Variants in ZFPM2 observed in about 807,000 individuals in gnomAD.
The protein encoded by ZFPM2 is zinc finger protein ZFPM2.
ZFPM2 carries 20 observed loss-of-function variants against 98.6 expected under a neutral mutation model. The observed-to-expected ratio is 0.20, with a 90% confidence interval of 0.14 to 0.29. ZFPM2 has a LOEUF of 0.29. Among genes scored for constraint, ZFPM2 ranks in the 10% least tolerant of loss-of-function variants. The pLI, the probability that ZFPM2 is intolerant of heterozygous loss-of-function variation, is 1.00. For synonymous variants in ZFPM2, 518 were observed against 502.7 expected, an observed-to-expected ratio of 1.03 and a Z score of -0.41; for missense variants, 1,310 against 1,388.6, an observed-to-expected ratio of 0.94 and a Z score of 0.90.
intron 4 of ZFPM2, among the ~76,000 whole-genome samples, chr8:105,564,767 TGGGA>T (rs1455719806): frequency 6.6e-6 from 1 of 152,092 alleles, no homozygotes; most frequent in African/African-American, 2.4e-5. Context: ...TAAAAATCTC[TGGGA>T]GGAAGTATGC....
chr8:105,380,759 C>T lies in ZFPM2; in HGVS notation c.41-38385C>T, dbSNP rs1371613556. 1.0e-4 allele frequency among the ~76,000 whole-genome samples: 3 copies of T among 30,106 alleles called. 1 individual carries two copies. The highest frequency in any genetic ancestry group is 1.6e-4 in the Non-Finnish European group (3 of 18,740). 19.8% of individuals were successfully genotyped at this position (30,106 alleles called of 152,430 possible). A position where few individuals can be genotyped will look rare whatever the true frequency, so the allele number is the denominator to read the frequency against. On this transcript the variant is annotated intron_variant, in intron 1 of 7. Transcript: ENST00000407775. ...TATTATATATATATGTTATATATAACATATATAATATATACACATATATGT... is the reference window on the plus strand; with the variant it reads ...TATTATATATATATGTTATATATAATATATATAATATATACACATATATGT...
At chr8:105,338,785 G>C (rs1250737666) in intron 1 of ZFPM2, among the ~76,000 whole-genome samples, 1 of 151,834 alleles carries the variant, frequency 6.6e-6, no homozygotes, top group Non-Finnish European at 1.5e-5. Context: ...CTTACCTTAA[G>C]GTTGTAGTAA....
intron 1 of ZFPM2, among the ~76,000 whole-genome samples, chr8:105,394,663 G>A (rs1477121298): frequency 6.6e-6 from 1 of 152,184 alleles, no homozygotes; most frequent in Admixed American, 6.5e-5. Context: ...ATGTGCATGA[G>A]CGGCTTCGAG....
At position 105,329,431 on chromosome 8, in the gene ZFPM2, C is replaced by G. The variant is rs150386819; in HGVS notation, c.40+10450C>G. ...TGTGACTACTTCCATGTTAATTTAA[C>G]TTAATGTTTTTACTTTGTTGATATG... On this transcript the variant is annotated intron_variant, in intron 1 of 7. Coordinates refer to ENST00000407775, the MANE Select transcript of ZFPM2 (RefSeq NM_012082.4). 2.0e-4 allele frequency among the ~76,000 whole-genome samples: 31 copies of G among 151,906 alleles called. No individual in the cohort carries two copies. The East Asian group carries it at 6.0e-3, about 29-fold the overall frequency.
At chr8:105,667,326 A>G (rs1450660387) in intron 5 of ZFPM2, among the ~76,000 whole-genome samples, 1 of 152,226 alleles carries the variant, frequency 6.6e-6, no homozygotes, top group East Asian at 1.9e-4. Flanking sequence ...TTGGTAGTAT[A>G]TGATGAAATG....
chr8:105,491,045 G>T (rs1234776455), intron 3 of ZFPM2, among the ~76,000 whole-genome samples: 6 of 151,974 alleles, frequency 3.9e-5, no homozygotes, highest in East Asian at 3.9e-4. Flanking sequence ...GAAATATTTG[G>T]TTTTTTAAAA....
chr8:105,791,256 A>G (rs548284794), intron 6 of ZFPM2, among the ~76,000 whole-genome samples: 27 of 152,128 alleles, frequency 1.8e-4, no homozygotes, highest in Admixed American at 1.7e-3. Context: ...TTATTTTGAG[A>G]TACGTCCCAT....
At chr8:105,389,530 C>T (rs1811068357) in intron 1 of ZFPM2, among the ~76,000 whole-genome samples, 1 of 152,150 alleles carries the variant, frequency 6.6e-6, no homozygotes, top group Non-Finnish European at 1.5e-5. Context: ...TGCTTTTTCT[C>T]TTCAAAATAA....
At chr8:105,706,559 A>T (rs1359844060) in intron 5 of ZFPM2, among the ~76,000 whole-genome samples, 1 of 152,064 alleles carries the variant, frequency 6.6e-6, no homozygotes, top group Non-Finnish European at 1.5e-5. Flanking sequence ...AAAGTAAATA[A>T]CTGATGATTC....
At chr8:105,677,259 A>T (rs1196894040) in intron 5 of ZFPM2, among the ~76,000 whole-genome samples, 2 of 151,784 alleles carry the variant, frequency 1.3e-5, no homozygotes, top group African/African-American at 4.8e-5. Flanking sequence ...AATTCTTAAC[A>T]CTGCTTACTA....
chr8:105,506,147 T>G (rs146489441), intron 3 of ZFPM2, among the ~76,000 whole-genome samples: 25 of 152,298 alleles, frequency 1.6e-4, no homozygotes, highest in African/African-American at 6.0e-4. Context: ...GATAGTTTAT[T>G]ATTTTGGAGC....
At chr8:105,417,696 C>A (rs1220110315) in intron 1 of ZFPM2, among the ~76,000 whole-genome samples, 1 of 152,010 alleles carries the variant, frequency 6.6e-6, no homozygotes, top group African/African-American at 2.4e-5. Context: ...AAACTTGAAA[C>A]AGTTAATAAG....
intron 6 of ZFPM2, among the ~76,000 whole-genome samples, chr8:105,793,536 A>G (rs1813691543): frequency 2.0e-5 from 3 of 151,744 alleles, no homozygotes; most frequent in Non-Finnish European, 4.4e-5. Flanking sequence ...CTTCATTTCA[A>G]CTTTGGTGAA....
chr8:105,496,553 A>G (rs142975017), intron 3 of ZFPM2, among the ~76,000 whole-genome samples: 121 of 152,228 alleles, frequency 7.9e-4, no homozygotes, highest in African/African-American at 2.8e-3. Flanking sequence ...GACAATGTTC[A>G]TAGATCTTAT....
chr8:105,499,265 A>AT (rs1813538968), intron 3 of ZFPM2, among the ~76,000 whole-genome samples: 1 of 151,788 alleles, frequency 6.6e-6, no homozygotes, highest in African/African-American at 2.4e-5. Flanking sequence ...AAAAAAAAAA[A>AT]GGGTGGAGCT....
intron 3 of ZFPM2, among the ~76,000 whole-genome samples, chr8:105,509,682 G>A (rs1378639947): frequency 6.6e-6 from 1 of 151,964 alleles, no homozygotes; most frequent in Non-Finnish European, 1.5e-5. Context: ...AGCCATTTTT[G>A]ATGGCTGAAC....
At chr8:105,769,109 G>A (rs1281365782) in intron 5 of ZFPM2, among the ~76,000 whole-genome samples, 1 of 151,966 alleles carries the variant, frequency 6.6e-6, no homozygotes, top group Admixed American at 6.6e-5. Flanking sequence ...ATAGTTTGCT[G>A]TCTATCAGGA....
chr8:105,628,459 G>C (rs1213761419), intron 4 of ZFPM2, among the ~76,000 whole-genome samples: 1 of 152,118 alleles, frequency 6.6e-6, no homozygotes, highest in Non-Finnish European at 1.5e-5. Flanking sequence ...CCACCCTCAA[G>C]CCAAAAAGCC....
intron 5 of ZFPM2, among the ~76,000 whole-genome samples, chr8:105,676,708 G>A (rs1331368764): frequency 6.6e-6 from 1 of 151,822 alleles, no homozygotes; most frequent in Admixed American, 6.6e-5. Context: ...ACCAATGAAA[G>A]ATGGGACAAA....
Sources: gnomAD v4.1 joint callset for allele counts (sites outside exome capture counted in the v4.1 genomes callset) on GRCh38, gnomAD v4.1.1 for gene constraint, MANE v1.5 for transcripts, NCBI Gene and HGNC (gene_info 2026-07-23, HGNC 2026-07-21) for gene names.